The following MSL2 variants were observed in gnomAD, a reference collection of about 807,000 sequenced individuals.
The protein encoded by MSL2 is MSL complex subunit 2, also known as E3 ubiquitin-protein ligase MSL2.
A neutral mutation model predicts 35.8 loss-of-function variants in MSL2; 2 were observed. The ratio of observed to expected loss-of-function variants is 0.06; its 90% CI spans 0.02 to 0.18. MSL2 has a LOEUF of 0.18. Ranked by LOEUF, MSL2 falls within the 10% of genes least tolerant of loss-of-function variation. The pLI, the probability that MSL2 is intolerant of heterozygous loss-of-function variation, is 1.00. For synonymous variants in MSL2, 296 were observed against 255.7 expected, an observed-to-expected ratio of 1.16 and a Z score of -1.50; for missense variants, 523 against 706.7, an observed-to-expected ratio of 0.74 and a Z score of 2.95.
chr3:136,148,984 T>A lies in MSL2; in HGVS notation c.*2163A>T, dbSNP rs1939251479. On this transcript the variant is annotated 3_prime_UTR_variant, in exon 2 of 2. Transcript: ENST00000309993. ...ATACAGGTTTCCAAAAATGTGGCAG[T>A]GAGAATACCAGCATAAAAAAGAGAA... 6.6e-6 allele frequency: 1 copy of A among 152,462 alleles called. No individual in the cohort carries two copies. The highest frequency in any genetic ancestry group is 6.6e-5 in the Admixed American group (1 of 15,254). 9.4% of individuals were successfully genotyped at this position (152,462 alleles called of 1,614,324 possible). A position where few individuals can be genotyped will look rare whatever the true frequency, so the allele number is the denominator to read the frequency against.
rs531289091 is a variant in MSL2, at chr3:136,195,158, C to T, written c.-45G>A. The T allele has an allele frequency of 7.7e-6, 12 of 1,567,692 alleles. No homozygotes were observed. In the South Asian group the frequency reaches 1.1e-4, roughly 14 times the overall value. On this transcript the variant is annotated 5_prime_UTR_variant, in exon 1 of 2. Coordinates refer to ENST00000309993, the MANE Select transcript of MSL2 (RefSeq NM_018133.4). ...ATGGCTCCCGGTTGAAAAGAAATTCCGGATCCAACTTAGTAAGCAGCCAGG... is the reference window on the plus strand; with the variant it reads ...ATGGCTCCCGGTTGAAAAGAAATTCTGGATCCAACTTAGTAAGCAGCCAGG...
chr3:136,157,842 T>C (rs185432749), intron 1 of MSL2, among the ~76,000 whole-genome samples: 4 of 152,340 alleles, frequency 2.6e-5, no homozygotes, highest in African/African-American at 9.6e-5. Flanking sequence ...AAGTTTTAAA[T>C]AGCCACTGAA....
At position 136,195,889 on chromosome 3, in the gene MSL2, C is replaced by G. The variant is rs907816207; in HGVS notation, c.-776G>C. On this transcript the variant is annotated 5_prime_UTR_variant, in exon 1 of 2. Coordinates refer to ENST00000309993, the MANE Select transcript of MSL2 (RefSeq NM_018133.4). The stretch of plus-strand genomic sequence containing the variant: ...GGCGGGAGGGGGCGGGGGGCAAGCC[C>G]GGCCGGGCCGCGGCGGCGCCCCTCG... 1.0e-4 allele frequency: 92 copies of G among 893,346 alleles called. No homozygotes were observed. The highest frequency in any genetic ancestry group is 1.2e-4 in the Non-Finnish European group (90 of 747,466). The allele number at this position is 893,346 out of a possible 1,614,324, so 55.3% of individuals were successfully genotyped here.
At chr3:136,170,095 A>G (rs1939979100) in intron 1 of MSL2, among the ~76,000 whole-genome samples, 1 of 150,324 alleles carries the variant, frequency 6.7e-6, no homozygotes, top group South Asian at 2.1e-4. Context: ...TAATCCCAGC[A>G]CTTTGGGAGG....
chr3:136,159,461 T>A (rs1939637040), intron 1 of MSL2, among the ~76,000 whole-genome samples: 2 of 148,282 alleles, frequency 1.3e-5, no homozygotes, highest in African/African-American at 5.0e-5. Flanking sequence ...CCTCTCGGGT[T>A]CACACCGTTC....
chr3:136,167,806 A>T (rs1231985976), intron 1 of MSL2, among the ~76,000 whole-genome samples: 1 of 152,198 alleles, frequency 6.6e-6, no homozygotes, highest in Non-Finnish European at 1.5e-5. Context: ...AAATATTTGG[A>T]ATGGAAAAAA....
intron 1 of MSL2, among the ~76,000 whole-genome samples, chr3:136,190,813 G>A (rs1370653533): frequency 6.6e-6 from 1 of 152,176 alleles, no homozygotes; most frequent in Admixed American, 6.5e-5. Context: ...TTTAGAACAT[G>A]AGCGAGAAAT....
At chr3:136,170,299 G>A (rs1939987278) in intron 1 of MSL2, among the ~76,000 whole-genome samples, 1 of 140,878 alleles carries the variant, frequency 7.1e-6, no homozygotes, top group South Asian at 2.3e-4. Flanking sequence ...GCTACAGTGA[G>A]CCGACATCAC....
At position 136,152,685 on chromosome 3, in the gene MSL2, C is replaced by T; in HGVS notation, c.196G>A (p.Val66Ile). Residue 66 changes from valine (V) to isoleucine (I), a missense_variant, in exon 2 of 2, where the codon GTC (valine) becomes ATC (isoleucine). Coordinates refer to ENST00000309993, the MANE Select transcript of MSL2 (RefSeq NM_018133.4). ...TTCTTGCCTTTACAAGTTTTGCAGA[C>T]ATAATGTTGGCAGGTGGAGTTGGTG... ...APTNSTCQHY[V>I]CKTCKGKKMM... The T allele has an allele frequency of 2.5e-6, 4 of 1,614,114 alleles. No individual in the cohort carries two copies. The highest frequency in any genetic ancestry group is 3.4e-6 in the Non-Finnish European group (4 of 1,180,034).
Position 136,150,523 on chromosome 3 carries a change from C to G in MSL2, c.*624G>C, listed in dbSNP as rs1939326916. 6.5e-6 allele frequency: 1 copy of G among 152,692 alleles called. No homozygotes were observed. Among genetic ancestry groups the G allele is most frequent in the African/African-American group, 2.4e-5 (1 of 41,446 alleles). 9.5% of individuals were successfully genotyped at this position (152,692 alleles called of 1,614,324 possible). A position where few individuals can be genotyped will look rare whatever the true frequency, so the allele number is the denominator to read the frequency against. On this transcript the variant is annotated 3_prime_UTR_variant, in exon 2 of 2. Transcript: ENST00000309993. ...TGAGTAACAGCTAAACATTTGTAGTCTGACAGAATTTTACTTTTTAAAAAG... is the reference window on the plus strand; with the variant it reads ...TGAGTAACAGCTAAACATTTGTAGTGTGACAGAATTTTACTTTTTAAAAAG...
chr3:136,180,312 T>C (rs1940304445), intron 1 of MSL2, among the ~76,000 whole-genome samples: 2 of 152,188 alleles, frequency 1.3e-5, no homozygotes, highest in South Asian at 4.1e-4. Context: ...ATTCCAAGTA[T>C]GAACAGTCTC....
At position 136,195,306 on chromosome 3, in the gene MSL2, G is replaced by A; in HGVS notation, c.-193C>T. ...ATCCTCCCACACATGGGGCCTTGGC[G>A]CCCCTCCGTCCCTGAGACTTCCAGA... On this transcript the variant is annotated 5_prime_UTR_variant, in exon 1 of 2. Coordinates refer to ENST00000309993, the MANE Select transcript of MSL2 (RefSeq NM_018133.4). 5 of 1,388,544 alleles carry A rather than the reference G, an allele frequency of 3.6e-6. No individual in the cohort carries two copies. Among genetic ancestry groups the A allele is most frequent in the African/African-American group, 1.5e-5 (1 of 67,716 alleles). The allele number at this position is 1,388,544 out of a possible 1,614,324, so 86.0% of individuals were successfully genotyped here. A position where few individuals can be genotyped will look rare whatever the true frequency, so the allele number is the denominator to read the frequency against.
intron 1 of MSL2, among the ~76,000 whole-genome samples, chr3:136,167,046 T>C (rs942832190): frequency 6.6e-6 from 1 of 151,968 alleles, no homozygotes. Flanking sequence ...TTTATGGAAA[T>C]GAGGAGAAGG....
rs201560494 is a variant in MSL2, at chr3:136,151,127, G to A, written c.*20C>T. 39 of 1,600,990 alleles carry A rather than the reference G, an allele frequency of 2.4e-5. No homozygotes were observed. The African/African-American group carries it at 4.7e-4, about 19-fold the overall frequency. On this transcript the variant is annotated 3_prime_UTR_variant, in exon 2 of 2. Coordinates refer to ENST00000309993, the MANE Select transcript of MSL2 (RefSeq NM_018133.4). The surrounding 1 kb of genome is among the most constrained non-coding windows in gnomAD (Gnocchi z 5.2). The stretch of plus-strand genomic sequence containing the variant: ...TGTAGCTATTTCCCTACCAGGAGTA[G>A]GTTTAAAAGACCCACTGATTTAACA...
chr3:136,161,258 G>A (rs577031621), intron 1 of MSL2, among the ~76,000 whole-genome samples: 3 of 152,142 alleles, frequency 2.0e-5, no homozygotes, highest in Admixed American at 6.5e-5. Flanking sequence ...TATACTGCTC[G>A]TAAAATGTAA....
intron 1 of MSL2, among the ~76,000 whole-genome samples, chr3:136,184,748 AAAGGG>A (rs1273984427): frequency 1.2e-5 from 1 of 80,670 alleles, no homozygotes; most frequent in Non-Finnish European, 2.5e-5. Context: ...AAAAAAAAAA[AAAGGG>A]GGGGGGGGGG....
At chr3:136,175,396 CTGAG>C (rs1488381448) in intron 1 of MSL2, among the ~76,000 whole-genome samples, 1 of 151,260 alleles carries the variant, frequency 6.6e-6, no homozygotes. Context: ...TGTCAAAAGT[CTGAG>C]ATAGGCCAGG....
chr3:136,160,275 C>CAAA (rs775528119), intron 1 of MSL2, among the ~76,000 whole-genome samples: 3 of 18,758 alleles, frequency 1.6e-4, no homozygotes, highest in Non-Finnish European at 2.7e-4. Flanking sequence ...GACTCTGTCT[C>CAAA]AAAAAAAAAA....
At chr3:136,184,876 C>T (rs557379639) in intron 1 of MSL2, among the ~76,000 whole-genome samples, 1 of 152,174 alleles carries the variant, frequency 6.6e-6, no homozygotes, top group East Asian at 1.9e-4. Context: ...TGGAATGCTT[C>T]CAATTCAATG....
Sources: gnomAD v4.1 joint callset for allele counts (sites outside exome capture counted in the v4.1 genomes callset) on GRCh38, gnomAD v4.1.1 for gene constraint, Gnocchi (gnomAD v3.1) non-coding constraint, MANE v1.5 for transcripts, NCBI Gene and HGNC (gene_info 2026-07-23, HGNC 2026-07-21) for gene names.